Variants in PRSS23 observed in about 807,000 individuals in gnomAD.
PRSS23 encodes protease, serine 23.
In PRSS23, 25 loss-of-function variants were observed where a neutral mutation model predicts 34.7. The observed-to-expected ratio is 0.72, with a 90% confidence interval of 0.53 to 1.01. The LOEUF (loss-of-function observed/expected upper bound fraction) is 1.01, where lower values mean the gene tolerates loss of function less well. PRSS23 is among the 50% of genes least tolerant of loss of function. PRSS23 has a pLI of 0.00. For missense variants in PRSS23, 445 were observed against 475.6 expected, an observed-to-expected ratio of 0.94 and a Z score of 0.60; for synonymous variants, 176 against 186.6, an observed-to-expected ratio of 0.94 and a Z score of 0.46.
At chr11:86,918,740 T>C (rs1050915198) in intron 2 of PRSS23, among the ~76,000 whole-genome samples, 1 of 152,238 alleles carries the variant, frequency 6.6e-6, no homozygotes, top group African/African-American at 2.4e-5. Flanking sequence ...GTATACAGCA[T>C]TATGCTAACA....
rs1948398400 is a variant in PRSS23 at position 86,835,553 on chromosome 11, C to A, written c.206+11960C>A. Reference sequence around the variant, plus strand: ...AAATGGGTATTGGCTTTTTGAGTTTCCTTAATTAGTGTATATAATGGTCTG... The same window carrying A: ...AAATGGGTATTGGCTTTTTGAGTTTACTTAATTAGTGTATATAATGGTCTG... On this transcript the variant is annotated intron_variant, in intron 2 of 2. Transcript: ENST00000533902. Among the ~76,000 whole-genome samples, 7 of 152,252 alleles carry A rather than the reference C, an allele frequency of 4.6e-5. 1 individual carries two copies. The South Asian group carries it at 1.4e-3, about 32-fold the overall frequency.
Position 86,861,764 on chromosome 11 carries a change from G to A in PRSS23, c.206+38171G>A, listed in dbSNP as rs7483054. Reference sequence around the variant, plus strand: ...CTGTGATATTTTTTGTAATGTCCAAGGTGGGGCAGAGGATATTACTTCCCA... The same window carrying A: ...CTGTGATATTTTTTGTAATGTCCAAAGTGGGGCAGAGGATATTACTTCCCA... On this transcript the variant is annotated intron_variant, in intron 2 of 2. Coordinates refer to the PRSS23 transcript ENST00000533902. Among the ~76,000 whole-genome samples the A allele has an allele frequency of 2.0e-5, 3 of 151,724 alleles. No individual in the cohort carries two copies. In the East Asian group the frequency reaches 5.9e-4, roughly 30 times the overall value.
exon 2 of PRSS23, chr11:86,823,401 G>C (rs1280256188): frequency 2.8e-6 from 2 of 702,338 alleles, no homozygotes; most frequent in South Asian, 3.0e-5. Flanking sequence ...AGTAGAATGA[G>C]ACCTGTGTGC....
At chr11:86,899,510 C>A (rs1446585094) in intron 2 of PRSS23, among the ~76,000 whole-genome samples, 3 of 123,864 alleles carry the variant, frequency 2.4e-5, no homozygotes, top group Non-Finnish European at 5.2e-5. Flanking sequence ...CAAAGTGAGA[C>A]CCCGTTTCTT....
chr11:86,934,081 A>G (rs1949144517), intron 2 of PRSS23: 1 of 152,216 alleles, frequency 6.6e-6, no homozygotes, highest in Admixed American at 6.5e-5. Flanking sequence ...AATTACTTTC[A>G]TATGTCCTGT....
upstream of PRSS23, among the ~76,000 whole-genome samples, chr11:86,799,932 C>T (rs891543554): frequency 6.6e-6 from 1 of 152,220 alleles, no homozygotes; most frequent in African/African-American, 2.4e-5. Context: ...CATGGGAATA[C>T]AGGTTTCTGT....
chr11:86,863,213 T>C (rs1156563145), intron 2 of PRSS23, among the ~76,000 whole-genome samples: 2 of 152,196 alleles, frequency 1.3e-5, no homozygotes, highest in African/African-American at 2.4e-5. Context: ...ACATTACTCC[T>C]AATATAACAG....
At chr11:86,841,488 A>G (rs1224900680) in intron 2 of PRSS23, among the ~76,000 whole-genome samples, 2 of 152,168 alleles carry the variant, frequency 1.3e-5, no homozygotes, top group African/African-American at 4.8e-5. Context: ...AAAAAAATCA[A>G]TGAATCCAGG....
At chr11:86,852,142 T>A (rs1948534858) in intron 2 of PRSS23, among the ~76,000 whole-genome samples, 1 of 151,680 alleles carries the variant, frequency 6.6e-6, no homozygotes, top group Non-Finnish European at 1.5e-5. Context: ...GGAGAACAGG[T>A]CCACTGTCCT....
chr11:86,877,722 G>A (rs1463507454), intron 2 of PRSS23, among the ~76,000 whole-genome samples: 2 of 151,982 alleles, frequency 1.3e-5, no homozygotes, highest in African/African-American at 4.8e-5. Context: ...ATACAGTCTT[G>A]ATAACTGTAC....
In PRSS23 at chr11:86,808,215, G is replaced by T. The variant is rs372440721; in HGVS notation, c.572G>T (p.Arg191Leu). 1 of 1,613,982 alleles carries T rather than the reference G, an allele frequency of 6.2e-7. No homozygotes were observed. The highest frequency in any genetic ancestry group is 1.1e-5 in the South Asian group (1 of 91,080). The change falls in exon 2 of 2, where the codon CGA becomes CTA. Residue 191 changes from arginine (R) to leucine (L), a missense_variant. Physicochemically the swap from Arg to Leu is moderately radical, Grantham distance 102. Transcript: ENST00000280258. ...TATGTGAAAGGAACCCAGAAGCTTC[G>T]AGTGGGCTTCCTAAAGCCCAAGTTT... ...KTYVKGTQKL[R>L]VGFLKPKFKD... is the part of the protein sequence containing the mutation.
intron 2 of PRSS23, among the ~76,000 whole-genome samples, chr11:86,855,277 T>A (rs1159194557): frequency 6.6e-6 from 1 of 152,120 alleles, no homozygotes. Context: ...AAAACTAGCA[T>A]AATGAGAAAG....
At chr11:86,838,856 C>T (rs1948426326) in intron 2 of PRSS23, among the ~76,000 whole-genome samples, 1 of 152,148 alleles carries the variant, frequency 6.6e-6, no homozygotes, top group Non-Finnish European at 1.5e-5. Flanking sequence ...AATCGACCTC[C>T]AGTAAACTCC....
chr11:86,952,723 A>G, exon 3 of PRSS23: 2 of 403,038 alleles, frequency 5.0e-6, no homozygotes, highest in Middle Eastern at 6.8e-4. Context: ...AATAAAATAA[A>G]TAGGGTCTGA....
chr11:86,934,654 C>T (rs1949149342), intron 2 of PRSS23: 1 of 152,192 alleles, frequency 6.6e-6, no homozygotes, highest in Non-Finnish European at 1.5e-5. Context: ...CTGAGGTCCC[C>T]TTATCTCAGG....
chr11:86,819,171 A>G lies in PRSS23; in HGVS notation c.-11-4206A>G, dbSNP rs11234819. Among the ~76,000 whole-genome samples, 981 of 152,280 alleles carry G rather than the reference A, an allele frequency of 6.4e-3. 19 individuals are homozygous for G. Among genetic ancestry groups the G allele is most frequent in the African/African-American group, 0.022 (931 of 41,544 alleles). The stretch of plus-strand genomic sequence containing the variant: ...AGCTAAGGCTATGACTCGCTGGCCT[A>G]GACACTTAAGCATCATCCAAATAGC... On this transcript the variant is annotated intron_variant, in intron 1 of 2. Coordinates refer to the PRSS23 transcript ENST00000533902.
intron 2 of PRSS23, among the ~76,000 whole-genome samples, chr11:86,898,847 C>A (rs1948893020): frequency 6.6e-6 from 1 of 152,162 alleles, no homozygotes; most frequent in Admixed American, 6.5e-5. Context: ...TGCCCAGAAG[C>A]ACTTACATAT....
intron 1 of PRSS23, among the ~76,000 whole-genome samples, chr11:86,816,521 T>C (rs1948216242): frequency 6.6e-6 from 1 of 152,242 alleles, no homozygotes; most frequent in Admixed American, 6.5e-5. Flanking sequence ...TCCTGCCTGA[T>C]TATTACATTT....
chr11:86,846,288 G>A (rs755592672), intron 2 of PRSS23, among the ~76,000 whole-genome samples: 5 of 152,132 alleles, frequency 3.3e-5, no homozygotes, highest in Non-Finnish European at 5.9e-5. Context: ...TCATCACACT[G>A]TGAGTACAAT....
Sources: allele counts gnomAD v4.1 joint callset (sites outside exome capture counted in the v4.1 genomes callset), GRCh38; gene constraint gnomAD v4.1.1; transcripts MANE v1.5; gene names NCBI Gene and HGNC (gene_info 2026-07-23, HGNC 2026-07-21).